BPTF: variants seen among roughly 807,000 people sequenced by gnomAD.
BPTF encodes the protein nucleosome-remodeling factor subunit BPTF.
A neutral mutation model predicts 292.5 loss-of-function variants in BPTF; 18 were observed. That is an observed-to-expected ratio of 0.06 (90% CI 0.04 to 0.09). BPTF has a LOEUF of 0.09. BPTF is among the 10% of genes least tolerant of loss of function. BPTF has a pLI of 1.00. For synonymous variants in BPTF, 1,225 were observed against 1,251.9 expected (o/e 0.98, Z 0.45); for missense variants, 2,726 against 3,498.7 (o/e 0.78, Z 5.57).
intron 24 of BPTF, among the ~76,000 whole-genome samples, chr17:67,962,350 C>T (rs1165745678): frequency 2.0e-5 from 3 of 152,196 alleles, no homozygotes; most frequent in Admixed American, 2.0e-4. Context: ...CTCACTATGA[C>T]TTTGACATGG....
intron 4 of BPTF, among the ~76,000 whole-genome samples, chr17:67,884,201 A>G (rs2060604153): frequency 1.3e-5 from 2 of 148,228 alleles, no homozygotes; most frequent in South Asian, 4.3e-4. Context: ...GCAGTGGCGC[A>G]ATCTCAGCTC....
At chr17:67,831,217 G>A (rs1371623484) in intron 1 of BPTF, among the ~76,000 whole-genome samples, 1 of 152,142 alleles carries the variant, frequency 6.6e-6, no homozygotes, top group Non-Finnish European at 1.5e-5. Context: ...AGTTCTTCAG[G>A]CCTTGACACA....
At chr17:67,905,936 A>G (rs1598558352) in intron 9 of BPTF, among the ~76,000 whole-genome samples, 1 of 152,082 alleles carries the variant, frequency 6.6e-6, no homozygotes, top group African/African-American at 2.4e-5. Context: ...GCATTAGGAG[A>G]TATACCTAAT....
intron 1 of BPTF, among the ~76,000 whole-genome samples, chr17:67,846,205 A>G (rs2058019761): frequency 6.6e-6 from 1 of 152,230 alleles, no homozygotes; most frequent in African/African-American, 2.4e-5. Context: ...TTTTAAAAAT[A>G]TAGGCTGGGC....
Position 67,912,091 on chromosome 17 carries a change from A to G in BPTF, c.4207A>G (p.Ser1403Gly). 1 of 1,607,372 alleles carries G rather than the reference A, an allele frequency of 6.2e-7. No homozygotes were observed. The highest frequency in any genetic ancestry group is 8.5e-7 in the Non-Finnish European group (1 of 1,177,996). The change falls in exon 11 of 28, where the codon AGT becomes GGT. Residue 1403 changes from serine (S) to glycine (G), a missense_variant. By Grantham distance (56) the Ser-to-Gly change is moderately conservative. Around this residue, in one of 22 missense-constraint regions of BPTF, gnomAD observed 713 missense variants for 714.9 expected, o/e 1.00. Coordinates refer to ENST00000306378, the MANE Select transcript of BPTF (RefSeq NM_182641.4). ...GTCTGAAAAGAAAGGACAGAGAACA[A>G]GTACATTTCAAATAAATGGAAAAGA... ...RESEKKGQRT[S>G]TFQINGKDNK...
At chr17:67,981,735 A>G in intron 27 of BPTF, 1 of 984,064 alleles carries the variant, frequency 1.0e-6, no homozygotes, top group South Asian at 4.7e-5. Context: ...TACTAATGAA[A>G]GTTGTGAATA....
At chr17:67,840,414 C>G (rs921385691) in intron 1 of BPTF, among the ~76,000 whole-genome samples, 1 of 150,902 alleles carries the variant, frequency 6.6e-6, no homozygotes, top group Non-Finnish European at 1.5e-5. Flanking sequence ...GCCAAGATAC[C>G]AAAATCTTTA....
intron 26 of BPTF, among the ~76,000 whole-genome samples, chr17:67,972,753 C>T (rs929700436): frequency 7.2e-5 from 11 of 151,760 alleles, no homozygotes; most frequent in African/African-American, 2.7e-4. Context: ...AACTTGGAAC[C>T]ATACAATGTC....
At chr17:67,959,209 CCTT>C (rs1433592208) in intron 23 of BPTF, among the ~76,000 whole-genome samples, 1 of 151,680 alleles carries the variant, frequency 6.6e-6, no homozygotes, top group East Asian at 2.0e-4. Context: ...CTTGAAATCA[CCTT>C]CTGAGCAACC....
intron 1 of BPTF, among the ~76,000 whole-genome samples, chr17:67,840,140 T>A (rs1331155958): frequency 6.6e-6 from 1 of 151,342 alleles, no homozygotes; most frequent in African/African-American, 2.4e-5. Flanking sequence ...GTCTTGCTTG[T>A]TGCCCAGGCT....
At chr17:67,931,875 AG>A in intron 17 of BPTF, 35 bp from the exon 18 acceptor site, 1 of 1,500,024 alleles carries the variant, frequency 6.7e-7, no homozygotes. Flanking sequence ...ATCTTTTTAA[AG>A]CATTTTAATT....
chr17:67,859,912 C>T (rs1306904981), intron 2 of BPTF, among the ~76,000 whole-genome samples: 3 of 152,156 alleles, frequency 2.0e-5, no homozygotes, highest in African/African-American at 7.2e-5. Context: ...TTTGAAATCA[C>T]GTGACTCAGA....
chr17:67,877,699 G>A (rs1272593913), intron 4 of BPTF, among the ~76,000 whole-genome samples: 1 of 152,082 alleles, frequency 6.6e-6, no homozygotes, highest in African/African-American at 2.4e-5. Context: ...GCTCACTGCA[G>A]GCTTGACCTC....
At chr17:67,924,383 G>A (rs1252278055) in intron 14 of BPTF, among the ~76,000 whole-genome samples, 164 bp from the exon 15 acceptor site, 1 of 152,180 alleles carries the variant, frequency 6.6e-6, no homozygotes, top group Non-Finnish European at 1.5e-5. Flanking sequence ...CCACAGTGCT[G>A]GGATTACAGG....
chr17:67,904,658 T>G, intron 8 of BPTF, 44 bp from the exon 9 acceptor site: 1 of 1,461,778 alleles, frequency 6.8e-7, no homozygotes, highest in Non-Finnish European at 9.4e-7. Flanking sequence ...TTTATAAGCA[T>G]TGTTATTCTT....
At chr17:67,941,448 A>T (rs530001908) in intron 19 of BPTF, among the ~76,000 whole-genome samples, 1 of 152,182 alleles carries the variant, frequency 6.6e-6, no homozygotes, top group South Asian at 2.1e-4. Context: ...GCAAGACTTC[A>T]TCTAAAAAAA....
intron 1 of BPTF, among the ~76,000 whole-genome samples, chr17:67,827,681 G>C (rs186518504): frequency 3.0e-4 from 46 of 152,230 alleles, no homozygotes; most frequent in Middle Eastern, 6.8e-3. Context: ...AACTTGAAAA[G>C]TTTGATTTTA....
intron 4 of BPTF, among the ~76,000 whole-genome samples, chr17:67,886,486 AT>A (rs937682024): frequency 7.3e-5 from 10 of 137,926 alleles, no homozygotes; most frequent in Non-Finnish European, 7.9e-5. Context: ...TTTATTTTTC[AT>A]TTTTTTTTTA....
rs574582659 is a variant in BPTF at position 67,981,860 on chromosome 17, T to C, written c.8727-392T>C. The stretch of plus-strand genomic sequence containing the variant: ...TCCCTTTATATTCCCCTCATCAATG[T>C]AAATAAACACACACACACACACACA... On this transcript the variant is annotated intron_variant, in intron 27 of 27. Transcript: ENST00000306378. 108 of 80,654 alleles carry C rather than the reference T, an allele frequency of 1.3e-3. 4 individuals are homozygous for C. The South Asian group carries it at 0.049, about 37-fold the overall frequency. The allele number at this position is 80,654 out of a possible 1,614,324, so 5.0% of individuals were successfully genotyped here. A position where few individuals can be genotyped will look rare whatever the true frequency, so the allele number is the denominator to read the frequency against.
Sources: gnomAD v4.1 joint callset for allele counts (sites outside exome capture counted in the v4.1 genomes callset) on GRCh38, gnomAD v4.1.1 for gene constraint, gnomAD v4.1.1 regional missense constraint, MANE v1.5 for transcripts, NCBI Gene and HGNC (gene_info 2026-07-23, HGNC 2026-07-21) for gene names.